Variants in SCHIP1 observed in about 807,000 individuals in gnomAD.
SCHIP1 encodes schwannomin-interacting protein 1.
In SCHIP1, 8 loss-of-function variants were observed where a neutral mutation model predicts 29.7. The ratio of observed to expected loss-of-function variants is 0.27; its 90% CI spans 0.16 to 0.49. SCHIP1 has a LOEUF of 0.49. SCHIP1 is among the 20% of genes least tolerant of loss of function. The pLI is 0.99. For missense variants in SCHIP1, 193 were observed against 294.6 expected (o/e 0.66, Z 2.52); for synonymous variants, 76 against 94.9 (o/e 0.80, Z 1.16).
At chr3:159,394,825 C>G in the SCHIP1 span, among the ~76,000 whole-genome samples, 2 of 152,098 alleles carry the variant, frequency 1.3e-5, no homozygotes, top group East Asian at 3.9e-4. Context: ...TGATGCTGGC[C>G]TCATAAAATG....
chr3:159,666,211 C>G, the SCHIP1 span, among the ~76,000 whole-genome samples: 4 of 152,160 alleles, frequency 2.6e-5, no homozygotes, highest in African/African-American at 9.7e-5. Context: ...CTGAGCAACT[C>G]CATAGATTGC....
chr3:159,859,994 T>C (rs201129136), intron 1 of SCHIP1, among the ~76,000 whole-genome samples: 5 of 150,026 alleles, frequency 3.3e-5, no homozygotes, highest in East Asian at 2.0e-4. Context: ...TGTGTGTGTG[T>C]GCGTGTGTGT....
chr3:159,479,469 G>T, the SCHIP1 span, among the ~76,000 whole-genome samples: 1 of 152,106 alleles, frequency 6.6e-6, no homozygotes, highest in African/African-American at 2.4e-5. Flanking sequence ...CATGAGTTTT[G>T]CAGTATTCCA....
At chr3:159,887,266 C>G (rs1717055248) in intron 3 of SCHIP1, 1 of 156,710 alleles carries the variant, frequency 6.4e-6, no homozygotes, top group African/African-American at 2.4e-5. Context: ...TCTGTGAGGT[C>G]TGTCTATAGC....
the SCHIP1 span, among the ~76,000 whole-genome samples, chr3:159,740,337 G>T: frequency 6.6e-6 from 1 of 152,182 alleles, no homozygotes; most frequent in Non-Finnish European, 1.5e-5. Flanking sequence ...CTGCAATCAG[G>T]ATGAGGTCTT....
intron 1 of SCHIP1, among the ~76,000 whole-genome samples, chr3:159,850,203 T>A (rs1712398990): frequency 6.6e-6 from 1 of 152,196 alleles, no homozygotes; most frequent in Non-Finnish European, 1.5e-5. Context: ...AAAATGTTGA[T>A]TCAGCTCTTG....
chr3:159,274,467 A>G, the SCHIP1 span: 48 of 754,558 alleles, frequency 6.4e-5, no homozygotes, highest in Non-Finnish European at 7.7e-5. Flanking sequence ...ATTTTATAAA[A>G]TTATATATGG....
the SCHIP1 span, among the ~76,000 whole-genome samples, chr3:159,806,453 C>T: frequency 6.6e-6 from 1 of 152,164 alleles, no homozygotes; most frequent in Non-Finnish European, 1.5e-5. Context: ...TGACTCAAGA[C>T]AAGAAAGAAT....
At chr3:159,803,013 C>T in the SCHIP1 span, among the ~76,000 whole-genome samples, 7 of 152,196 alleles carry the variant, frequency 4.6e-5, no homozygotes, top group South Asian at 2.1e-4. Flanking sequence ...GAACACATCT[C>T]CTTTCCTTTA....
the SCHIP1 span, among the ~76,000 whole-genome samples, chr3:159,737,330 G>T: frequency 6.6e-6 from 1 of 152,146 alleles, no homozygotes; most frequent in Non-Finnish European, 1.5e-5. Context: ...CAGATTGCCA[G>T]TCTCTATCCC....
At chr3:159,349,719 C>G in the SCHIP1 span, among the ~76,000 whole-genome samples, 1 of 152,140 alleles carries the variant, frequency 6.6e-6, no homozygotes, top group East Asian at 1.9e-4. Flanking sequence ...GTCAGAGCAC[C>G]TGGATGGTAT....
the SCHIP1 span, among the ~76,000 whole-genome samples, chr3:159,599,464 A>C: frequency 6.6e-6 from 1 of 152,092 alleles, no homozygotes; most frequent in Non-Finnish European, 1.5e-5. Flanking sequence ...TTGCACCCTC[A>C]TAGCTTAGCT....
chr3:159,327,493 T>A, the SCHIP1 span, among the ~76,000 whole-genome samples: 1 of 152,140 alleles, frequency 6.6e-6, no homozygotes, highest in African/African-American at 2.4e-5. Context: ...ACCCCAAAAC[T>A]TTTGGAGTTA....
chr3:159,370,975 C>T, the SCHIP1 span, among the ~76,000 whole-genome samples: 3 of 152,136 alleles, frequency 2.0e-5, no homozygotes, highest in African/African-American at 7.2e-5. Context: ...ATCACATGAA[C>T]CAATTCTCAT....
the SCHIP1 span, among the ~76,000 whole-genome samples, chr3:159,816,824 T>C: frequency 6.6e-6 from 1 of 152,184 alleles, no homozygotes; most frequent in Non-Finnish European, 1.5e-5. Flanking sequence ...GCCTTTGTTT[T>C]TGTGGTACCC....
At chr3:159,716,998 C>T in the SCHIP1 span, among the ~76,000 whole-genome samples, 1 of 152,186 alleles carries the variant, frequency 6.6e-6, no homozygotes, top group Non-Finnish European at 1.5e-5. Flanking sequence ...GTAAAGCACT[C>T]CTGAGCAAAT....
chr3:159,714,322 G>A, the SCHIP1 span, among the ~76,000 whole-genome samples: 150 of 152,290 alleles, frequency 9.8e-4, 1 homozygote, highest in African/African-American at 3.5e-3. Flanking sequence ...CATGAGCCAC[G>A]CAGAAGATGG....
At chr3:159,708,225 T>C in the SCHIP1 span, among the ~76,000 whole-genome samples, 2 of 152,154 alleles carry the variant, frequency 1.3e-5, no homozygotes, top group East Asian at 1.9e-4. Context: ...ACACAAAACC[T>C]ACACACTCAC....
At chr3:159,519,568 G>C in the SCHIP1 span, among the ~76,000 whole-genome samples, 1 of 152,128 alleles carries the variant, frequency 6.6e-6, no homozygotes, top group African/African-American at 2.4e-5. Flanking sequence ...TTAGGATAAA[G>C]ATTGCAGAAG....
Sources: gnomAD v4.1 joint callset for allele counts (sites outside exome capture counted in the v4.1 genomes callset) on GRCh38, gnomAD v4.1.1 for gene constraint, MANE v1.5 for transcripts, NCBI Gene and HGNC (gene_info 2026-07-23, HGNC 2026-07-21) for gene names.